The following PATZ1 variants were observed in gnomAD, a reference collection of about 807,000 sequenced individuals.
PATZ1 encodes the protein POZ/BTB and AT hook containing zinc finger 1, also known as POZ-, AT hook-, and zinc finger-containing protein 1.
PATZ1 carries 9 observed loss-of-function variants against 46.2 expected under a neutral mutation model. That is an observed-to-expected ratio of 0.19 (90% CI 0.12 to 0.34). The LOEUF (loss-of-function observed/expected upper bound fraction) is 0.34. PATZ1 is among the 10% of genes least tolerant of loss of function. The pLI is 1.00. For missense variants in PATZ1, 632 were observed against 923.0 expected, an observed-to-expected ratio of 0.68 and a Z score of 4.08; for synonymous variants, 426 against 378.6, an observed-to-expected ratio of 1.13 and a Z score of -1.45.
intron 1 of PATZ1, 70 bp downstream of exon 1, chr22:31,344,262 G>A (rs2049619793): frequency 7.1e-7 from 1 of 1,400,470 alleles, no homozygotes; most frequent in South Asian, 1.4e-5. Flanking sequence ...CACACCCCCA[G>A]ATCTTGGCAG....
intron 3 of PATZ1, among the ~76,000 whole-genome samples, chr22:31,330,976 T>C (rs986311954): frequency 6.6e-6 from 1 of 152,240 alleles, no homozygotes; most frequent in East Asian, 1.9e-4. Context: ...AATGTGGGAT[T>C]GGGCCAATTT....
In PATZ1 at chr22:31,345,225, G is replaced by T; in HGVS notation, c.378C>A (p.Ile126=). The T allele has an allele frequency of 1.2e-6, 2 of 1,613,774 alleles. No individual in the cohort carries two copies. The highest frequency in any genetic ancestry group is 1.7e-6 in the Non-Finnish European group (2 of 1,179,750). The change falls in exon 1 of 5, where the codon ATC becomes ATA. Residue 126 remains isoleucine, a synonymous_variant. Transcript: ENST00000266269. This position sits in a 1 kb window ranked among gnomAD's most constrained non-coding sequence, Gnocchi z 7.4. ...CGGGAAAGCTCTCCAAGCGCACCAC[G>T]ATGCGGGAAGTGTAGGCGAAGTCCA... is the stretch of plus-strand genomic sequence containing the variant. The part of the protein sequence containing the change: ...DILDFAYTSR[I]VVRLESFPEL...
At chr22:31,343,215 A>C in intron 1 of PATZ1, 2 of 1,236,366 alleles carry the variant, frequency 1.6e-6, no homozygotes, top group East Asian at 3.8e-5. Flanking sequence ...CACTCCCTCA[A>C]TTCTCCCCAC....
In PATZ1 at chr22:31,329,396, A is replaced by G. The variant is rs568981588; in HGVS notation, c.1508-472T>C. ...CCTCGTAAAAGGAAACTGGACAACAAACGAGATGGAGGTAAAATGAAATCC... is the reference window on the plus strand; with the variant it reads ...CCTCGTAAAAGGAAACTGGACAACAGACGAGATGGAGGTAAAATGAAATCC... On this transcript the variant is annotated intron_variant, in intron 3 of 4. Coordinates refer to ENST00000266269, the MANE Select transcript of PATZ1 (RefSeq NM_014323.3). Among the ~76,000 whole-genome samples the G allele has an allele frequency of 3.9e-5, 6 of 152,324 alleles. No homozygotes were observed. In the East Asian group the frequency reaches 7.7e-4, roughly 20 times the overall value.
chr22:31,333,309 A>AT (rs1446605082), intron 3 of PATZ1, among the ~76,000 whole-genome samples: 1 of 152,172 alleles, frequency 6.6e-6, no homozygotes, highest in Non-Finnish European at 1.5e-5. Flanking sequence ...TCTGACATTC[A>AT]GCCTTTGTTT....
At chr22:31,341,091 G>A in intron 2 of PATZ1, 1 of 1,111,360 alleles carries the variant, frequency 9.0e-7, no homozygotes, top group Non-Finnish European at 1.1e-6. Context: ...ATAAGCTGGT[G>A]GCTAGTTCCC....
At chr22:31,341,580 G>A (rs758620233) in intron 2 of PATZ1, 8 of 1,614,040 alleles carry the variant, frequency 5.0e-6, no homozygotes, top group African/African-American at 2.7e-5. Flanking sequence ...GTCAGGAACC[G>A]AATGGGACGA....
Position 31,345,780 on chromosome 22 carries a change from T to C in PATZ1, c.-178A>G. On this transcript the variant is annotated 5_prime_UTR_variant, in exon 1 of 5. The change abolishes the stop of an existing upstream ORF in the 5' untranslated region. Transcript: ENST00000266269. This position sits in a 1 kb window ranked among gnomAD's most constrained non-coding sequence, Gnocchi z 7.4. ...CGCCCCCAGCCCGGATCAGACTGTC[T>C]AGACTGCGGGGTGCACCACCCCCCA... The C allele has an allele frequency of 1.7e-6, 1 of 602,368 alleles. No individual in the cohort carries two copies. Among genetic ancestry groups the C allele is most frequent in the South Asian group, 2.4e-5 (1 of 41,274 alleles). The allele number at this position is 602,368 out of a possible 1,614,324, so 37.3% of individuals were successfully genotyped here. A position where few individuals can be genotyped will look rare whatever the true frequency, so the allele number is the denominator to read the frequency against.
intron 3 of PATZ1, among the ~76,000 whole-genome samples, chr22:31,330,153 G>A (rs1192484022): frequency 1.3e-5 from 2 of 152,224 alleles, no homozygotes; most frequent in Non-Finnish European, 2.9e-5. Context: ...ATGGTATTTT[G>A]AATGCTGCTG....
Position 31,345,303 on chromosome 22 carries a change from G to A in PATZ1, c.300C>T (p.Gly100=). 1 of 1,611,012 alleles carries A rather than the reference G, an allele frequency of 6.2e-7. No individual in the cohort carries two copies. Among genetic ancestry groups the A allele is most frequent in the Non-Finnish European group, 8.5e-7 (1 of 1,178,106 alleles). ...TAGTGTGCATCTCCAGCTCCCGGCT[G>A]CCCCCGGCCCCGCCGCCTGGTGCTG... ...ATAAPGGGAG[G]SRELEMHTIS... The change falls in exon 1 of 5, where the codon GGC becomes GGT. Residue 100 remains glycine (G), a synonymous_variant. Coordinates refer to ENST00000266269, the MANE Select transcript of PATZ1 (RefSeq NM_014323.3). This position sits in a 1 kb window ranked among gnomAD's most constrained non-coding sequence, Gnocchi z 7.4.
At position 31,328,953 on chromosome 22, in the gene PATZ1, C is replaced by T. The variant is rs201171049; in HGVS notation, c.1508-29G>A. The T allele has an allele frequency of 1.3e-5, 21 of 1,587,692 alleles. No individual in the cohort carries two copies. The highest frequency in any genetic ancestry group is 3.5e-5 in the Admixed American group (2 of 57,298). ...AACAAGACAAAAGGAGATGAGATCC[C>T]GCGGCCAGCAAGAGATACCTCTCTC... On this transcript the variant is annotated intron_variant, in intron 3 of 4. Transcript: ENST00000266269. The surrounding 1 kb of genome is among the most constrained non-coding windows in gnomAD (Gnocchi z 4.8).
At chr22:31,332,969 C>G (rs1412182077) in intron 3 of PATZ1, among the ~76,000 whole-genome samples, 1 of 152,222 alleles carries the variant, frequency 6.6e-6, no homozygotes, top group Non-Finnish European at 1.5e-5. Context: ...ATTTCCTCAA[C>G]TCAAAAATGT....
intron 3 of PATZ1, among the ~76,000 whole-genome samples, chr22:31,330,494 G>A (rs564974345): frequency 3.3e-5 from 5 of 150,712 alleles, no homozygotes; most frequent in Non-Finnish European, 5.9e-5. Flanking sequence ...GCGAGACTCC[G>A]TCTCAAAAAA....
intron 3 of PATZ1, among the ~76,000 whole-genome samples, chr22:31,331,734 G>C (rs2049446422): frequency 6.6e-6 from 1 of 152,190 alleles, no homozygotes; most frequent in African/African-American, 2.4e-5. Context: ...GCAATCAAAA[G>C]GGGACAGAAA....
chr22:31,333,440 A>G (rs1373502435), intron 3 of PATZ1, among the ~76,000 whole-genome samples: 4 of 148,068 alleles, frequency 2.7e-5, no homozygotes, highest in East Asian at 4.0e-4. Flanking sequence ...CAATGTCTCA[A>G]TGTTTTTGGT....
Position 31,345,888 on chromosome 22 carries a change from G to C in PATZ1, c.-286C>G, listed in dbSNP as rs933658417. ...GCCTCCCCTTCCCGGTCTACCTTCC[G>C]GGGGGGTGCGCGAGCGAAGAGGTGC... On this transcript the variant is annotated 5_prime_UTR_variant, in exon 1 of 5. Transcript: ENST00000266269. This position sits in a 1 kb window ranked among gnomAD's most constrained non-coding sequence, Gnocchi z 7.4. The C allele has an allele frequency of 5.6e-6, 2 of 356,978 alleles. No homozygotes were observed. Among genetic ancestry groups the C allele is most frequent in the African/African-American group, 2.1e-5 (1 of 47,654 alleles). 22.1% of individuals were successfully genotyped at this position (356,978 alleles called of 1,614,324 possible).
Position 31,346,211 on chromosome 22 carries a change from C to T in PATZ1, c.-609G>A, listed in dbSNP as rs1256953599. ...GGTCCCGGAGCCTGGAGGGCGGTGG[C>T]GGCGGCGGCGGCGGCTGGAGCGGGC... is the stretch of plus-strand genomic sequence containing the variant. On this transcript the variant is annotated 5_prime_UTR_variant, in exon 1 of 5. Coordinates refer to ENST00000266269, the MANE Select transcript of PATZ1 (RefSeq NM_014323.3). 6 of 150,706 alleles carry T rather than the reference C, an allele frequency of 4.0e-5. No homozygotes were observed. The highest frequency in any genetic ancestry group is 5.8e-5 in the Non-Finnish European group (4 of 69,140). 9.3% of individuals were successfully genotyped at this position (150,706 alleles called of 1,614,324 possible). A position where few individuals can be genotyped will look rare whatever the true frequency, so the allele number is the denominator to read the frequency against.
At chr22:31,331,733 A>G (rs2049446373) in intron 3 of PATZ1, among the ~76,000 whole-genome samples, 1 of 152,158 alleles carries the variant, frequency 6.6e-6, no homozygotes, top group Admixed American at 6.6e-5. Context: ...TGCAATCAAA[A>G]GGGGACAGAA....
At chr22:31,335,600 G>A (rs1009453265) in intron 3 of PATZ1, 92 bp downstream of exon 3, 1 of 1,210,168 alleles carries the variant, frequency 8.3e-7, no homozygotes, top group African/African-American at 1.5e-5. Flanking sequence ...TGCAAAGAGT[G>A]GAGTCTGAGG....
Sources: gnomAD v4.1 joint callset for allele counts (sites outside exome capture counted in the v4.1 genomes callset) on GRCh38, gnomAD v4.1.1 for gene constraint, Gnocchi (gnomAD v3.1) non-coding constraint, MANE v1.5 for transcripts, NCBI Gene and HGNC (gene_info 2026-07-23, HGNC 2026-07-21) for gene names.